The following RPS6KC1 variants were observed in gnomAD, a reference collection of about 807,000 sequenced individuals.
The protein encoded by RPS6KC1 is ribosomal protein S6 kinase C1, also known as inactive ribosomal protein S6 kinase delta-1.
A neutral mutation model predicts 103.8 loss-of-function variants in RPS6KC1; 54 were observed. That is an observed-to-expected ratio of 0.52 (90% CI 0.42 to 0.65). The LOEUF is 0.65. RPS6KC1 is among the 30% of genes least tolerant of loss of function. RPS6KC1 has a pLI of 0.00. For missense variants in RPS6KC1, 1,151 were observed against 1,253.8 expected (o/e 0.92, Z 1.24); for synonymous variants, 439 against 438.7 (o/e 1.00, Z -0.01).
chr1:213,129,562 G>A lies in RPS6KC1; in HGVS notation c.508G>A (p.Val170Ile). The A allele has an allele frequency of 1.2e-6, 2 of 1,613,204 alleles. No homozygotes were observed. Among genetic ancestry groups the A allele is most frequent in the Non-Finnish European group, 8.5e-7 (1 of 1,179,374 alleles). Residue 170 changes from valine (V) to isoleucine (I), a missense_variant, in exon 6 of 15, where the codon GTT becomes ATT. This residue lies in a region of RPS6KC1 where 959 missense variants were observed against 1,006.3 expected (regional missense o/e 0.95). Transcript: ENST00000366960. ...TGACAGTGATCTGGTATCTCTTACT[G>A]TTGATGTGGATTCTCTTGCTGAGTT... ...SSDSDLVSLT[V>I]DVDSLAELDD...
the RPS6KC1 span, among the ~76,000 whole-genome samples, chr1:213,807,250 T>G: frequency 6.6e-6 from 1 of 152,290 alleles, no homozygotes; most frequent in African/African-American, 2.4e-5. Flanking sequence ...ATCTGACAAT[T>G]ATGTGTCTTG....
the RPS6KC1 span, among the ~76,000 whole-genome samples, chr1:213,546,755 A>G: frequency 3.9e-5 from 6 of 152,166 alleles, no homozygotes; most frequent in South Asian, 2.1e-4. Flanking sequence ...TCCCCCACCA[A>G]CCCTCACACC....
the RPS6KC1 span, among the ~76,000 whole-genome samples, chr1:213,484,054 ACT>A: frequency 6.6e-6 from 1 of 151,532 alleles, no homozygotes; most frequent in Non-Finnish European, 1.5e-5. Flanking sequence ...TATAGGTGAG[ACT>A]CTCTCTTTAT....
chr1:213,137,470 A>AT (rs2086418535), intron 6 of RPS6KC1, among the ~76,000 whole-genome samples: 1 of 151,766 alleles, frequency 6.6e-6, no homozygotes. Context: ...AGTAGCTGAG[A>AT]TTACAGGCAT....
intron 12 of RPS6KC1, among the ~76,000 whole-genome samples, chr1:213,256,595 A>G (rs886340254): frequency 1.3e-5 from 2 of 151,636 alleles, no homozygotes; most frequent in African/African-American, 4.8e-5. Flanking sequence ...ACAAATTTGC[A>G]TTGGGCTGCA....
At chr1:213,554,706 T>G in the RPS6KC1 span, among the ~76,000 whole-genome samples, 5 of 151,924 alleles carry the variant, frequency 3.3e-5, no homozygotes, top group African/African-American at 1.2e-4. Flanking sequence ...GTCTCTGAAC[T>G]TCTTGTTTAA....
the RPS6KC1 span, among the ~76,000 whole-genome samples, chr1:213,389,326 CTTATAT>C: frequency 2.0e-5 from 3 of 152,178 alleles, no homozygotes; most frequent in African/African-American, 7.2e-5. Flanking sequence ...AAAAAAAGGT[CTTATAT>C]TCCTGCAGAG....
At chr1:213,787,744 T>C in the RPS6KC1 span, among the ~76,000 whole-genome samples, 22 of 152,124 alleles carry the variant, frequency 1.4e-4, no homozygotes, top group Non-Finnish European at 2.8e-4. Flanking sequence ...ATCTGACAAA[T>C]GGAGATAGTA....
At chr1:213,421,739 T>C in the RPS6KC1 span, among the ~76,000 whole-genome samples, 1 of 152,220 alleles carries the variant, frequency 6.6e-6, no homozygotes, top group Admixed American at 6.5e-5. Context: ...ACGTGGTAGG[T>C]GCTCCCAACA....
intron 12 of RPS6KC1, among the ~76,000 whole-genome samples, chr1:213,251,660 A>G (rs974493435): frequency 2.0e-4 from 30 of 152,246 alleles, no homozygotes; most frequent in African/African-American, 6.5e-4. Flanking sequence ...TACAACTTGT[A>G]AAAGTGCAAA....
chr1:213,496,653 G>C, the RPS6KC1 span, among the ~76,000 whole-genome samples: 1 of 152,286 alleles, frequency 6.6e-6, no homozygotes, highest in African/African-American at 2.4e-5. Flanking sequence ...AGCTACTCGT[G>C]AGGCTGAGGT....
the RPS6KC1 span, among the ~76,000 whole-genome samples, chr1:213,389,192 A>G: frequency 1.3e-5 from 2 of 152,142 alleles, no homozygotes. Context: ...AGCATTTACA[A>G]ATGGTAATGT....
the RPS6KC1 span, among the ~76,000 whole-genome samples, chr1:213,370,631 C>T: frequency 5.3e-5 from 8 of 152,140 alleles, no homozygotes; most frequent in Admixed American, 2.6e-4. Flanking sequence ...CTGAGAGGGC[C>T]GAGGAAACAA....
chr1:213,125,245 G>T (rs2148959632), intron 5 of RPS6KC1, among the ~76,000 whole-genome samples: 1 of 151,974 alleles, frequency 6.6e-6, no homozygotes, highest in Non-Finnish European at 1.5e-5. Context: ...TTTTAAAGTA[G>T]AATTAAGTAT....
the RPS6KC1 span, among the ~76,000 whole-genome samples, chr1:213,766,488 A>C: frequency 6.6e-6 from 1 of 152,138 alleles, no homozygotes; most frequent in African/African-American, 2.4e-5. Flanking sequence ...TCCAGTGTAC[A>C]CTCTTACAGA....
chr1:213,572,551 A>C, the RPS6KC1 span, among the ~76,000 whole-genome samples: 1 of 152,342 alleles, frequency 6.6e-6, no homozygotes, highest in African/African-American at 2.4e-5. Flanking sequence ...TTTTTTTAAT[A>C]ATGGAAAGGG....
At chr1:213,308,620 G>A in the RPS6KC1 span, among the ~76,000 whole-genome samples, 10 of 151,984 alleles carry the variant, frequency 6.6e-5, no homozygotes, top group South Asian at 8.3e-4. Context: ...TGACTGTTTC[G>A]TTGGCTTAAG....
In RPS6KC1 at chr1:213,171,403, A is replaced by G. The variant is rs2091467297; in HGVS notation, c.951+3430A>G. Among the ~76,000 whole-genome samples the G allele has an allele frequency of 2.0e-5, 3 of 151,730 alleles. No individual in the cohort carries two copies. In the South Asian group the frequency reaches 6.2e-4, roughly 32 times the overall value. The stretch of plus-strand genomic sequence containing the variant: ...GACAACGTTGAATGATTTAAGAATT[A>G]ATGTTGAAAGAAGCTTTCCCTGGAA... On this transcript the variant is annotated intron_variant, in intron 7 of 14. Coordinates refer to ENST00000366960, the MANE Select transcript of RPS6KC1 (RefSeq NM_012424.6).
intron 3 of RPS6KC1, among the ~76,000 whole-genome samples, chr1:213,082,933 A>G (rs1016847484): frequency 3.3e-5 from 5 of 152,220 alleles, no homozygotes; most frequent in African/African-American, 1.2e-4. Flanking sequence ...GTTGTGCCTT[A>G]CACATCCTCT....
Sources: gnomAD v4.1 joint callset for allele counts (sites outside exome capture counted in the v4.1 genomes callset) on GRCh38, gnomAD v4.1.1 for gene constraint, gnomAD v4.1.1 regional missense constraint, MANE v1.5 for transcripts, NCBI Gene and HGNC (gene_info 2026-07-23, HGNC 2026-07-21) for gene names.